HCN1: variants seen among roughly 807,000 people sequenced by gnomAD.
HCN1 encodes hyperpolarization activated cyclic nucleotide gated potassium channel 1.
Under a neutral mutation model 78.9 loss-of-function variants are expected in HCN1, and 13 were observed. The ratio of observed to expected loss-of-function variants is 0.16; its 90% confidence interval spans 0.11 to 0.26. The LOEUF (loss-of-function observed/expected upper bound fraction) is 0.26. HCN1 is among the 10% of genes least tolerant of loss of function. The pLI is 1.00. For synonymous variants in HCN1, 552 were observed against 455.5 expected (o/e 1.21, Z -2.70); for missense variants, 810 against 1,154.3 (o/e 0.70, Z 4.32).
chr5:45,283,547 A>G (rs2111872496), intron 6 of HCN1, among the ~76,000 whole-genome samples: 1 of 152,286 alleles, frequency 6.6e-6, no homozygotes, highest in South Asian at 2.1e-4. Context: ...AAAAAGCTCA[A>G]TATCATTGAT....
At chr5:45,347,151 T>G (rs563850529) in intron 5 of HCN1, among the ~76,000 whole-genome samples, 60 of 152,296 alleles carry the variant, frequency 3.9e-4, no homozygotes, top group Non-Finnish European at 6.8e-4. Context: ...CAGGGCTGGC[T>G]ACTTCTCTGA....
chr5:45,536,273 AT>A (rs1007616229), intron 2 of HCN1, among the ~76,000 whole-genome samples: 1 of 152,044 alleles, frequency 6.6e-6, no homozygotes, highest in East Asian at 1.9e-4. Context: ...CCTTTAAAAC[AT>A]TTTTTCTGCC....
intron 5 of HCN1, among the ~76,000 whole-genome samples, chr5:45,341,537 G>A (rs1482065085): frequency 1.3e-5 from 2 of 152,274 alleles, no homozygotes; most frequent in East Asian, 1.9e-4. Flanking sequence ...GTATGATCTT[G>A]AAGACAAAAC....
intron 3 of HCN1, among the ~76,000 whole-genome samples, chr5:45,451,394 T>C (rs899093928): frequency 3.3e-5 from 5 of 152,122 alleles, no homozygotes; most frequent in Non-Finnish European, 7.4e-5. Flanking sequence ...ATGATTTCCA[T>C]TAAATGTTAC....
intron 4 of HCN1, among the ~76,000 whole-genome samples, chr5:45,385,379 T>A (rs958096350): frequency 6.6e-6 from 1 of 152,050 alleles, no homozygotes; most frequent in African/African-American, 2.4e-5. Context: ...AAAAAGGAAA[T>A]TGATTTGTAA....
At chr5:45,506,604 A>C (rs2111746412) in intron 2 of HCN1, among the ~76,000 whole-genome samples, 1 of 152,282 alleles carries the variant, frequency 6.6e-6, no homozygotes, top group South Asian at 2.1e-4. Context: ...TGGGTTCATC[A>C]ATAAGAGAGG....
At chr5:45,481,904 G>C (rs1171023385) in intron 2 of HCN1, among the ~76,000 whole-genome samples, 1 of 151,886 alleles carries the variant, frequency 6.6e-6, no homozygotes, top group Non-Finnish European at 1.5e-5. Context: ...TATAAAATGG[G>C]GATGACAAAA....
At chr5:45,412,505 C>G (rs1165428058) in intron 3 of HCN1, among the ~76,000 whole-genome samples, 3 of 152,056 alleles carry the variant, frequency 2.0e-5, no homozygotes, top group African/African-American at 7.2e-5. Context: ...ACCTAATTCT[C>G]TGATGACAGA....
intron 5 of HCN1, among the ~76,000 whole-genome samples, chr5:45,336,174 G>A (rs564701883): frequency 6.6e-6 from 1 of 151,964 alleles, no homozygotes; most frequent in Non-Finnish European, 1.5e-5. Flanking sequence ...CAACTGAGAG[G>A]GAGGGGAGGA....
intron 2 of HCN1, among the ~76,000 whole-genome samples, chr5:45,507,174 A>G (rs772764242): frequency 6.6e-6 from 1 of 152,200 alleles, no homozygotes; most frequent in Non-Finnish European, 1.5e-5. Flanking sequence ...TAAACTAGGT[A>G]GGAAATTTAG....
At chr5:45,694,693 TTG>T (rs1739971869) in intron 1 of HCN1, among the ~76,000 whole-genome samples, 1 of 152,216 alleles carries the variant, frequency 6.6e-6, no homozygotes, top group Admixed American at 6.5e-5. Context: ...AAGTCCAGCC[TTG>T]TTCAGGAGCT....
chr5:45,362,642 A>T (rs1301484754), intron 4 of HCN1, among the ~76,000 whole-genome samples: 2 of 152,064 alleles, frequency 1.3e-5, no homozygotes, highest in Non-Finnish European at 2.9e-5. Context: ...TACCTACTTA[A>T]TCCTCATAAC....
chr5:45,518,682 G>T (rs961256209), intron 2 of HCN1, among the ~76,000 whole-genome samples: 1 of 151,910 alleles, frequency 6.6e-6, no homozygotes, highest in Non-Finnish European at 1.5e-5. Flanking sequence ...TAAAACAAAT[G>T]AAAAATTCAT....
intron 5 of HCN1, among the ~76,000 whole-genome samples, chr5:45,313,063 G>T (rs1019610138): frequency 6.6e-6 from 1 of 152,208 alleles, no homozygotes; most frequent in Non-Finnish European, 1.5e-5. Flanking sequence ...CAGACAGACT[G>T]CCTCCTCAAG....
Position 45,685,439 on chromosome 5 carries a change from AGCAGTGTCTCAT to A in HCN1, c.425+10218_425+10229del, listed in dbSNP as rs1323392245. On this transcript the variant is annotated intron_variant, in intron 1 of 7. Coordinates refer to ENST00000303230, the MANE Select transcript of HCN1 (RefSeq NM_021072.4). ...ATATATTAAAAGTTTTCCGTCCGGA[AGCAGTGTCTCAT>A]GCCTGTAACGTCAGCACTTTAGGAG... Among the ~76,000 whole-genome samples, 11 of 152,272 alleles carry A rather than the reference AGCAGTGTCTCAT, an allele frequency of 7.2e-5. No homozygotes were observed. In the South Asian group the frequency reaches 8.3e-4, roughly 11 times the overall value.
intron 2 of HCN1, among the ~76,000 whole-genome samples, chr5:45,630,170 C>T (rs985855714): frequency 5.3e-5 from 8 of 152,098 alleles, no homozygotes; most frequent in African/African-American, 1.7e-4. Flanking sequence ...ATAGCACACG[C>T]CAATCAATAG....
chr5:45,429,136 G>A (rs1227136544), intron 3 of HCN1, among the ~76,000 whole-genome samples: 3 of 152,102 alleles, frequency 2.0e-5, no homozygotes, highest in Admixed American at 6.6e-5. Flanking sequence ...AGAAGTTAAT[G>A]TGCACTCTGA....
rs375456902 is a variant in HCN1, at chr5:45,363,685, G to C, written c.1231-10439C>G. ...CCAGGGGGTGGTAATTAAATCATGGGGGCCAGTTTTTCCTGTGCTATTCTT... is the reference window on the plus strand; with the variant it reads ...CCAGGGGGTGGTAATTAAATCATGGCGGCCAGTTTTTCCTGTGCTATTCTT... On this transcript the variant is annotated intron_variant, in intron 4 of 7. Transcript: ENST00000303230. Among the ~76,000 whole-genome samples the C allele has an allele frequency of 9.9e-5, 15 of 151,900 alleles. No individual in the cohort carries two copies. In the South Asian group the frequency reaches 3.1e-3, roughly 32 times the overall value.
intron 4 of HCN1, among the ~76,000 whole-genome samples, chr5:45,392,162 T>A (rs1003175795): frequency 6.6e-6 from 1 of 152,156 alleles, no homozygotes; most frequent in Non-Finnish European, 1.5e-5. Flanking sequence ...GCAAATGGGA[T>A]TTGAATAGCT....
Sources: allele counts gnomAD v4.1 joint callset (sites outside exome capture counted in the v4.1 genomes callset), GRCh38; gene constraint gnomAD v4.1.1; transcripts MANE v1.5; gene names NCBI Gene and HGNC (gene_info 2026-07-23, HGNC 2026-07-21).